The following DNAH9 variants were observed in gnomAD, a reference collection of about 807,000 sequenced individuals.
The protein encoded by DNAH9 is dynein axonemal heavy chain 9, also known as DNAH9 variant protein.
DNAH9 carries 345 observed loss-of-function variants against 471.6 expected under a neutral mutation model. The ratio of observed to expected loss-of-function variants is 0.73; its 90% CI spans 0.67 to 0.80. The LOEUF is 0.80. DNAH9 is among the 30% of genes least tolerant of loss of function. The probability of loss-of-function intolerance (pLI) is 0.00; values close to 1 mark genes in which losing one functional copy is unlikely to be tolerated. For synonymous variants in DNAH9, 2,093 were observed against 2,123.6 expected (o/e 0.99, Z 0.40); for missense variants, 5,407 against 5,609.2 (o/e 0.96, Z 1.15).
chr17:11,665,000 T>C, intron 15 of DNAH9, 32 bp downstream of exon 15: 4 of 1,593,318 alleles, frequency 2.5e-6, no homozygotes, highest in Non-Finnish European at 3.4e-6. Context: ...TGGGTTATTA[T>C]TGGAAAGATA....
chr17:11,871,718 T>G lies in DNAH9; in HGVS notation c.10174T>G (p.Phe3392Val), dbSNP rs1317414202. ...LITAFISYLG[F>V]FTKKYRQSLL... ...AACGGCTTTCATTTCCTACCTTGGC[T>G]TCTTCACAAAGAAATACCGGCAGAG... The change falls in exon 52 of 69, where the codon TTC becomes GTC. Residue 3392 changes from phenylalanine to valine, a missense_variant. By Grantham distance (50) the Phe-to-Val change is conservative (BLOSUM62 -1). Around this residue, in one of 3 missense-constraint regions of DNAH9, gnomAD observed 4,636 missense variants for 4,900.3 expected, o/e 0.95. Coordinates refer to ENST00000262442, the MANE Select transcript of DNAH9 (RefSeq NM_001372.4). 3 of 1,614,230 alleles carry G rather than the reference T, an allele frequency of 1.9e-6. No individual in the cohort carries two copies. Among genetic ancestry groups the G allele is most frequent in the Non-Finnish European group, 2.5e-6 (3 of 1,180,040 alleles).
rs1270023660 is a variant in DNAH9 at position 11,705,271 on chromosome 17, C to G, written c.5552+86C>G. On this transcript the variant is annotated intron_variant, in intron 26 of 68. Coordinates refer to ENST00000262442, the MANE Select transcript of DNAH9 (RefSeq NM_001372.4). ...GCATCTAGGGTCAAAGTCCCTGTCA[C>G]TTGCTATTTGTCCATAGAGCTACAG... 17 of 1,215,114 alleles carry G rather than the reference C, an allele frequency of 1.4e-5. No individual in the cohort carries two copies. The Admixed American group carries it at 3.1e-4, about 22-fold the overall frequency. 75.3% of individuals were successfully genotyped at this position (1,215,114 alleles called of 1,614,324 possible).
chr17:11,712,010 A>G (rs1250112724), intron 26 of DNAH9, among the ~76,000 whole-genome samples: 1 of 16,282 alleles, frequency 6.1e-5, no homozygotes, highest in Non-Finnish European at 1.1e-4. Context: ...ATTTGTATAT[A>G]TATTTATATA....
At chr17:11,894,638 C>A (rs916764296) in intron 59 of DNAH9, 142 bp downstream of exon 59, 2 of 1,110,160 alleles carry the variant, frequency 1.8e-6, no homozygotes, top group African/African-American at 1.6e-5. Context: ...CCTTTCCTTG[C>A]GTCCCCACAG....
At chr17:11,880,348 A>T in intron 54 of DNAH9, 148 bp downstream of exon 54, 1 of 1,063,148 alleles carries the variant, frequency 9.4e-7, no homozygotes. Flanking sequence ...TCTTTCTTCC[A>T]GCAGAGGTCT....
At position 11,881,254 on chromosome 17, in the gene DNAH9, C is replaced by T; in HGVS notation, c.10647C>T (p.Phe3549=). The T allele has an allele frequency of 6.2e-7, 1 of 1,614,172 alleles. No individual in the cohort carries two copies. Among genetic ancestry groups the T allele is most frequent in the Non-Finnish European group, 8.5e-7 (1 of 1,180,040 alleles). Residue 3549 remains phenylalanine (F), a synonymous_variant, in exon 55 of 69, where the codon TTC becomes TTT. Transcript: ENST00000262442. ...AAGAATGTGAATACAATCCCAAGTT[C>T]CGGCTCATCCTCCACACCAAGCTGG... ...GDKECEYNPK[F]RLILHTKLAN...
intron 49 of DNAH9, among the ~76,000 whole-genome samples, chr17:11,850,692 T>A (rs1038870972): frequency 3.3e-5 from 5 of 151,824 alleles, no homozygotes; most frequent in Non-Finnish European, 7.4e-5. Context: ...TGTGTTTCTA[T>A]TAGCACCACG....
chr17:11,819,561 G>T, intron 45 of DNAH9, among the ~76,000 whole-genome samples: 1 of 151,262 alleles, frequency 6.6e-6, no homozygotes, highest in Non-Finnish European at 1.5e-5. Context: ...GAGACTACAG[G>T]TGCACACCAC....
chr17:11,610,453 G>C lies in DNAH9; in HGVS notation c.672G>C (p.Trp224Cys), dbSNP rs1012804738. 14 of 1,613,666 alleles carry C rather than the reference G, an allele frequency of 8.7e-6. No homozygotes were observed. In the Admixed American group the frequency reaches 1.7e-4, roughly 19 times the overall value. The change falls in exon 3 of 69, where the codon TGG becomes TGC. Residue 224 changes from tryptophan (W) to cysteine (C), a missense_variant. By Grantham distance (215) the Trp-to-Cys change is radical. Around this residue, in one of 3 missense-constraint regions of DNAH9, gnomAD observed 767 missense variants for 692.5 expected, o/e 1.11. Transcript: ENST00000262442. ...IYAIESAVIK[W>C]SYQVQVVLKR... ...CCATTGAGTCTGCAGTGATCAAATG[G>C]AGCTACCAAGTCCAGGTGGTACTCA...
chr17:11,608,989 C>A (rs1282783247), intron 2 of DNAH9, among the ~76,000 whole-genome samples: 2 of 152,118 alleles, frequency 1.3e-5, no homozygotes, highest in South Asian at 2.1e-4. Flanking sequence ...CTTGGGAATT[C>A]TTTTCCCCTT....
In DNAH9 at chr17:11,875,048, A is replaced by AT; in HGVS notation, c.10343dup (p.Met3448IlefsTer13). ...GAACGAGGGCCTCCCAGCCGACCGCATGTCCGTGGAGAATGCCACCATTCT... is the reference window on the plus strand; with the variant it reads ...GAACGAGGGCCTCCCAGCCGACCGCATTGTCCGTGGAGAATGCCACCATTCT... On this transcript the variant is annotated frameshift_variant, in exon 53 of 69. Transcript: ENST00000262442. LOFTEE classifies it high-confidence loss of function. 6.2e-7 allele frequency: 1 copy of AT among 1,614,112 alleles called. No individual in the cohort carries two copies. Among genetic ancestry groups the AT allele is most frequent in the African/African-American group, 1.3e-5 (1 of 75,022 alleles).
intron 67 of DNAH9, among the ~76,000 whole-genome samples, chr17:11,951,042 C>T (rs945571510): frequency 6.6e-6 from 1 of 152,148 alleles, no homozygotes. Flanking sequence ...ACAGGACAGA[C>T]GACATTCACA....
chr17:11,935,109 C>CGTG, intron 65 of DNAH9, among the ~76,000 whole-genome samples: 1 of 151,612 alleles, frequency 6.6e-6, no homozygotes, highest in Admixed American at 6.6e-5. Context: ...GGATTACAGG[C>CGTG]CCCCACCACC....
At chr17:11,723,863 C>T (rs572573458) in intron 27 of DNAH9, among the ~76,000 whole-genome samples, 54 of 151,982 alleles carry the variant, frequency 3.6e-4, no homozygotes, top group Middle Eastern at 3.4e-3. Flanking sequence ...TTAGTAGAGA[C>T]GGTGTCTCAC....
At chr17:11,953,042 A>G (rs866399405) in intron 67 of DNAH9, among the ~76,000 whole-genome samples, 1 of 152,312 alleles carries the variant, frequency 6.6e-6, no homozygotes. Context: ...TCCTCTTCTT[A>G]TAAGGCGAAA....
intron 55 of DNAH9, chr17:11,883,103 CTTTTACACAGTCTGCCATGG>C: frequency 2.0e-6 from 2 of 988,468 alleles, no homozygotes; most frequent in Non-Finnish European, 2.4e-6. Flanking sequence ...CTCGAGGAAG[CTTTTACACAGTCTGCCATGG>C]TTTTACACAG....
chr17:11,704,908 A>G (rs1597507825), intron 25 of DNAH9, 117 bp from the exon 26 acceptor site: 1 of 819,260 alleles, frequency 1.2e-6, no homozygotes, highest in Non-Finnish European at 2.0e-6. Context: ...TGGCCACAGC[A>G]TGCTGCACAC....
intron 33 of DNAH9, among the ~76,000 whole-genome samples, chr17:11,754,992 T>C (rs2150855919): frequency 6.6e-6 from 1 of 152,320 alleles, no homozygotes; most frequent in African/African-American, 2.4e-5. Context: ...TCCTCTTGAG[T>C]TAATCTTTGT....
chr17:11,654,073 A>ATCATCCATCTATCATCTAT (rs1597439262), intron 14 of DNAH9, among the ~76,000 whole-genome samples: 2 of 131,868 alleles, frequency 1.5e-5, no homozygotes, highest in Non-Finnish European at 3.4e-5. Flanking sequence ...AAATCGATCT[A>ATCATCCATCTATCATCTAT]GGCCGGGCGC....
Sources: gnomAD v4.1 joint callset for allele counts (sites outside exome capture counted in the v4.1 genomes callset) on GRCh38, gnomAD v4.1.1 for gene constraint, gnomAD v4.1.1 regional missense constraint, MANE v1.5 for transcripts, NCBI Gene and HGNC (gene_info 2026-07-23, HGNC 2026-07-21) for gene names.